The following FAM114A1 variants were observed in gnomAD, a reference collection of about 807,000 sequenced individuals.
FAM114A1 encodes the protein protein NOXP20.
A neutral mutation model predicts 64.3 loss-of-function variants in FAM114A1; 62 were observed. The ratio of observed to expected loss-of-function variants is 0.96; its 90% CI spans 0.79 to 1.19. FAM114A1 has a LOEUF of 1.19. Ranked by LOEUF, FAM114A1 falls within the 50% of genes most tolerant of loss-of-function variation. The pLI, the probability that FAM114A1 is intolerant of heterozygous loss-of-function variation, is 0.00. For missense variants in FAM114A1, 645 were observed against 676.3 expected, an observed-to-expected ratio of 0.95 and a Z score of 0.51; for synonymous variants, 254 against 251.1, an observed-to-expected ratio of 1.01 and a Z score of -0.11.
chr4:38,915,783 GTGTGTGTGTGTT>G lies in FAM114A1; in HGVS notation c.945+712_945+723del, dbSNP rs1191405672. On this transcript the variant is annotated intron_variant, in intron 8 of 14. Coordinates refer to ENST00000358869, the MANE Select transcript of FAM114A1 (RefSeq NM_138389.4). ...TGTGTGTGTGTGTGTGTGTGTGTGT[GTGTGTGTGTGTT>G]TATTTAGCAAGCACTTAATGGCACT... is the stretch of plus-strand genomic sequence containing the variant. 6.0e-5 allele frequency among the ~76,000 whole-genome samples: 9 copies of G among 148,824 alleles called. No individual in the cohort carries two copies. The East Asian group carries it at 1.7e-3, about 28-fold the overall frequency.
At chr4:38,875,680 C>T (rs1470031505) in intron 2 of FAM114A1, among the ~76,000 whole-genome samples, 1 of 152,178 alleles carries the variant, frequency 6.6e-6, no homozygotes, top group Non-Finnish European at 1.5e-5. Context: ...CTGGCTAGGA[C>T]TTCCACTATT....
At chr4:38,881,773 T>C (rs11942199) in intron 3 of FAM114A1, among the ~76,000 whole-genome samples, 42,055 of 152,062 alleles carry the variant, frequency 0.28, 6,172 homozygotes, top group African/African-American at 0.31. Flanking sequence ...TATTTGCCTC[T>C]TGTTGCATAC....
intron 13 of FAM114A1, among the ~76,000 whole-genome samples, chr4:38,940,053 T>G (rs576294365): frequency 6.6e-5 from 10 of 152,162 alleles, no homozygotes; most frequent in Admixed American, 3.3e-4. Flanking sequence ...CATGCCCAGC[T>G]AATTTTTTTG....
chr4:38,924,200 A>C (rs1357630466), intron 9 of FAM114A1, among the ~76,000 whole-genome samples: 5 of 152,242 alleles, frequency 3.3e-5, no homozygotes, highest in African/African-American at 1.2e-4. Flanking sequence ...GTAGGGGGTC[A>C]TGTTAGATAA....
chr4:38,878,679 T>C (rs1714918716), intron 3 of FAM114A1, among the ~76,000 whole-genome samples: 1 of 152,242 alleles, frequency 6.6e-6, no homozygotes, highest in Non-Finnish European at 1.5e-5. Flanking sequence ...CCAGGCACTC[T>C]GCTAGCCACT....
intron 3 of FAM114A1, among the ~76,000 whole-genome samples, chr4:38,886,670 G>C (rs1226378253): frequency 2.6e-5 from 4 of 151,638 alleles, no homozygotes; most frequent in Admixed American, 2.0e-4. Flanking sequence ...GCTCACACCT[G>C]TAATTCCAGC....
At chr4:38,914,665 A>T (rs1718866883) in intron 7 of FAM114A1, 2 of 391,128 alleles carry the variant, frequency 5.1e-6, no homozygotes, top group East Asian at 8.0e-5. Flanking sequence ...TGTGTTTCTT[A>T]ACAGTTTATT....
At chr4:38,892,513 T>C (rs1196582516) in intron 4 of FAM114A1, among the ~76,000 whole-genome samples, 1 of 152,232 alleles carries the variant, frequency 6.6e-6, no homozygotes, top group African/African-American at 2.4e-5. Context: ...AGAGAAAATA[T>C]GATGGACAGT....
chr4:38,939,248 G>C (rs1042939612), intron 13 of FAM114A1, among the ~76,000 whole-genome samples: 4 of 152,082 alleles, frequency 2.6e-5, no homozygotes, highest in Non-Finnish European at 4.4e-5. Context: ...TATCATTATG[G>C]GGAAGAAAAA....
intron 11 of FAM114A1, among the ~76,000 whole-genome samples, chr4:38,931,998 G>T (rs1321398222): frequency 6.6e-6 from 1 of 152,196 alleles, no homozygotes; most frequent in Non-Finnish European, 1.5e-5. Flanking sequence ...ACCCAGCATT[G>T]CTGTAAGCAC....
chr4:38,943,577 G>A lies in FAM114A1; in HGVS notation c.*20G>A. 1 of 1,608,464 alleles carries A rather than the reference G, an allele frequency of 6.2e-7. No homozygotes were observed. Among genetic ancestry groups the A allele is most frequent in the East Asian group, 2.2e-5 (1 of 44,838 alleles). ...CCGTGACCTGGCCAGACTCCATCTA[G>A]TTAAAGGAGACAGCTGGCCGCCTTG... On this transcript the variant is annotated 3_prime_UTR_variant, in exon 15 of 15. Coordinates refer to ENST00000358869, the MANE Select transcript of FAM114A1 (RefSeq NM_138389.4).
chr4:38,910,087 A>C (rs1344873813), intron 7 of FAM114A1, among the ~76,000 whole-genome samples: 1 of 152,052 alleles, frequency 6.6e-6, no homozygotes, highest in African/African-American at 2.4e-5. Flanking sequence ...ACAAAAAAAA[A>C]AATTAGCCGG....
At chr4:38,882,139 C>T (rs1047606638) in intron 3 of FAM114A1, among the ~76,000 whole-genome samples, 9 of 149,542 alleles carry the variant, frequency 6.0e-5, no homozygotes, top group Non-Finnish European at 1.0e-4. Flanking sequence ...GGTGAAACCC[C>T]GTCTCTACTA....
At chr4:38,881,127 G>A (rs1224370805) in intron 3 of FAM114A1, among the ~76,000 whole-genome samples, 1 of 151,728 alleles carries the variant, frequency 6.6e-6, no homozygotes. Context: ...GAAGGTTGCA[G>A]TGAGCTGAGA....
intron 3 of FAM114A1, among the ~76,000 whole-genome samples, chr4:38,882,555 G>A (rs905506340): frequency 2.0e-5 from 3 of 152,100 alleles, no homozygotes; most frequent in African/African-American, 7.2e-5. Flanking sequence ...CTTGAACCCG[G>A]GAGGCGGAGG....
At chr4:38,884,852 A>G (rs1406080840) in intron 3 of FAM114A1, among the ~76,000 whole-genome samples, 3 of 152,230 alleles carry the variant, frequency 2.0e-5, no homozygotes, top group African/African-American at 7.2e-5. Context: ...GAGTTGAAAG[A>G]TGGATGGAAG....
At chr4:38,941,462 G>T (rs1290366611) in intron 14 of FAM114A1, among the ~76,000 whole-genome samples, 1 of 152,204 alleles carries the variant, frequency 6.6e-6, no homozygotes, top group Non-Finnish European at 1.5e-5. Context: ...AGAATGTTTA[G>T]CCTATGCCCA....
intron 4 of FAM114A1, among the ~76,000 whole-genome samples, chr4:38,901,303 G>A (rs1204114934): frequency 5.3e-5 from 7 of 133,196 alleles, no homozygotes; most frequent in Admixed American, 5.2e-4. Flanking sequence ...TTTTTGAGCT[G>A]GAGTCCTAGT....
intron 4 of FAM114A1, among the ~76,000 whole-genome samples, chr4:38,899,482 AAGG>A (rs1278212617): frequency 1.1e-4 from 17 of 152,118 alleles, no homozygotes; most frequent in African/African-American, 3.6e-4. Context: ...TCCCAGAATC[AAGG>A]AGAATGAGCA....
Sources: allele counts gnomAD v4.1 joint callset (sites outside exome capture counted in the v4.1 genomes callset), GRCh38; gene constraint gnomAD v4.1.1; transcripts MANE v1.5; gene names NCBI Gene and HGNC (gene_info 2026-07-23, HGNC 2026-07-21).